Variants in PTP4A3 observed in about 807,000 individuals in gnomAD.
PTP4A3 encodes the protein protein tyrosine phosphatase 4A3.
A neutral mutation model predicts 15.2 loss-of-function variants in PTP4A3; 9 were observed. The observed-to-expected ratio is 0.59, with a 90% CI of 0.36 to 1.03. The LOEUF (loss-of-function observed/expected upper bound fraction) is 1.03, where lower values mean the gene tolerates loss of function less well. Among genes scored for constraint, PTP4A3 ranks in the 50% least tolerant of loss-of-function variants. PTP4A3 has a pLI of 0.02. For synonymous variants in PTP4A3, 95 were observed against 102.0 expected (o/e 0.93, Z 0.41); for missense variants, 234 against 252.1 (o/e 0.93, Z 0.49).
In PTP4A3 at chr8:141,406,045, G is replaced by C. The variant is rs1420788751; in HGVS notation, c.-854+13961G>C. Among the ~76,000 whole-genome samples, 1 of 152,140 alleles carries C rather than the reference G, an allele frequency of 6.6e-6. No individual in the cohort carries two copies. Among genetic ancestry groups the C allele is most frequent in the Non-Finnish European group, 1.5e-5 (1 of 68,016 alleles). ...CGATAAGGATTTTTGGCTTTCCTGA[G>C]TGACGCGGGCACCACTGGAGGCTTT... On this transcript the variant is annotated intron_variant, in intron 1 of 5. Coordinates refer to ENST00000521578, the MANE Select transcript of PTP4A3 (RefSeq NM_032611.3). The surrounding 1 kb of genome is among the most constrained non-coding windows in gnomAD (Gnocchi z 4.5).
intron 1 of PTP4A3, among the ~76,000 whole-genome samples, chr8:141,401,375 A>G (rs917238116): frequency 6.6e-6 from 1 of 152,056 alleles, no homozygotes; most frequent in Non-Finnish European, 1.5e-5. Flanking sequence ...AGGGGAGGGC[A>G]CTGGGTTTGG....
At chr8:141,426,857 G>A in intron 3 of PTP4A3, 82 bp from the exon 4 acceptor site, 1 of 1,529,386 alleles carries the variant, frequency 6.5e-7, no homozygotes, top group South Asian at 1.2e-5. Context: ...GCCTCTCAGA[G>A]CTCCCTTTCC....
intron 3 of PTP4A3, chr8:141,426,431 T>C (rs2130283995): frequency 1.0e-6 from 1 of 985,276 alleles, no homozygotes; most frequent in Middle Eastern, 5.2e-4. Flanking sequence ...CCCTCAGAAA[T>C]GTGGGCCCTG....
chr8:141,398,736 C>T (rs906511780), intron 1 of PTP4A3, among the ~76,000 whole-genome samples: 1 of 152,030 alleles, frequency 6.6e-6, no homozygotes, highest in Non-Finnish European at 1.5e-5. Flanking sequence ...CTGGGCTGCC[C>T]AGGGGACACT....
In PTP4A3 at chr8:141,432,213, C is replaced by G. The variant is rs958417294; in HGVS notation, c.*1169C>G. 6.6e-6 allele frequency: 1 copy of G among 151,850 alleles called. No individual in the cohort carries two copies. Among genetic ancestry groups the G allele is most frequent in the African/African-American group, 2.4e-5 (1 of 41,322 alleles). The allele number at this position is 151,850 out of a possible 1,614,324, so 9.4% of individuals were successfully genotyped here. A position where few individuals can be genotyped will look rare whatever the true frequency, so the allele number is the denominator to read the frequency against. On this transcript the variant is annotated 3_prime_UTR_variant, in exon 6 of 6. Coordinates refer to ENST00000521578, the MANE Select transcript of PTP4A3 (RefSeq NM_032611.3). ...CCGTCCTGGGGCCCCAGGAGGTTCC[C>G]GCAAGGAGCGACTGGGGCAGGTGCT...
At chr8:141,412,045 G>A (rs1410554038) in intron 1 of PTP4A3, among the ~76,000 whole-genome samples, 1 of 151,904 alleles carries the variant, frequency 6.6e-6, no homozygotes, top group African/African-American at 2.4e-5. Context: ...ACCACGCGAG[G>A]CCACTACACA....
rs763704718 is a variant in PTP4A3 at position 141,427,056 on chromosome 8, G to A, written c.316G>A (p.Ala106Thr). The A allele has an allele frequency of 6.3e-7, 1 of 1,599,052 alleles. No individual in the cohort carries two copies. The highest frequency in any genetic ancestry group is 8.5e-7 in the Non-Finnish European group (1 of 1,179,570). Residue 106 changes from alanine to threonine, a missense_variant, in exon 4 of 6, where the codon GCG becomes ACG. Coordinates refer to ENST00000521578, the MANE Select transcript of PTP4A3 (RefSeq NM_032611.3). ...PGSCVAVHCV[A>T]GLGRAPVLVA... ...CAGCTGCGTGGCTGTGCACTGCGTG[G>A]CGGGCCTGGGCCGGTGAGTGTCGGG... is the stretch of plus-strand genomic sequence containing the variant.
In PTP4A3 at chr8:141,409,390, AG is replaced by A. The variant is rs552450492; in HGVS notation, c.-853-11993del. ...ATTTGGTGGCAGCTCCTGGTGGGGC[AG>A]GGGGATGGGAGGGATGGGAGCCTCC... On this transcript the variant is annotated intron_variant, in intron 1 of 5. Coordinates refer to ENST00000521578, the MANE Select transcript of PTP4A3 (RefSeq NM_032611.3). Among the ~76,000 whole-genome samples, 85 of 152,002 alleles carry A rather than the reference AG, an allele frequency of 5.6e-4. 1 individual carries two copies. Among genetic ancestry groups the A allele is most frequent in the African/African-American group, 1.6e-3 (67 of 41,526 alleles).
chr8:141,397,688 G>C (rs1028209038), intron 1 of PTP4A3, among the ~76,000 whole-genome samples: 39 of 152,198 alleles, frequency 2.6e-4, no homozygotes, highest in African/African-American at 9.4e-4. Flanking sequence ...GCCTGGTTTC[G>C]ACCTCTTTGG....
At chr8:141,403,439 T>C (rs541911154) in intron 1 of PTP4A3, among the ~76,000 whole-genome samples, 1 of 152,360 alleles carries the variant, frequency 6.6e-6, no homozygotes, top group East Asian at 1.9e-4. Context: ...TTCCTGGGCA[T>C]GGTGTACAGT....
chr8:141,408,142 A>G (rs1178217340), intron 1 of PTP4A3, among the ~76,000 whole-genome samples: 1 of 152,162 alleles, frequency 6.6e-6, no homozygotes, highest in Non-Finnish European at 1.5e-5. Flanking sequence ...GAGGCCATTC[A>G]CAGCAAATGT....
chr8:141,394,608 T>A (rs1832390289), intron 1 of PTP4A3, among the ~76,000 whole-genome samples: 3 of 152,214 alleles, frequency 2.0e-5, no homozygotes, highest in Admixed American at 2.0e-4. Flanking sequence ...TGCCCCTCCG[T>A]TTCCACACCT....
rs1833332560 is a variant in PTP4A3 at position 141,421,600 on chromosome 8, A to G, written c.-641A>G. On this transcript the variant is annotated 5_prime_UTR_variant, in exon 2 of 6. Coordinates refer to ENST00000521578, the MANE Select transcript of PTP4A3 (RefSeq NM_032611.3). ...CCTGCCCCACTCCAGGACTCACCGT[A>G]CCCCGATGGGGTAACGTGACACAGG... 1 of 152,512 alleles carries G rather than the reference A, an allele frequency of 6.6e-6. No individual in the cohort carries two copies. The highest frequency in any genetic ancestry group is 1.5e-5 in the Non-Finnish European group (1 of 68,316). 9.4% of individuals were successfully genotyped at this position (152,512 alleles called of 1,614,324 possible). A position where few individuals can be genotyped will look rare whatever the true frequency, so the allele number is the denominator to read the frequency against.
intron 1 of PTP4A3, among the ~76,000 whole-genome samples, chr8:141,402,927 T>C (rs1832630752): frequency 6.6e-6 from 1 of 152,092 alleles, no homozygotes; most frequent in South Asian, 2.1e-4. Flanking sequence ...GGCTTGTTTG[T>C]TGGGTGCCTG....
chr8:141,422,485 G>A (rs749069884), intron 2 of PTP4A3, 140 bp downstream of exon 2: 9 of 884,620 alleles, frequency 1.0e-5, no homozygotes, highest in Admixed American at 4.8e-5. Context: ...AAGCCCAGTC[G>A]CCTGTTACAG....
chr8:141,426,865 T>G (rs1051978490), intron 3 of PTP4A3, 74 bp from the exon 4 acceptor site: 1 of 1,548,036 alleles, frequency 6.5e-7, no homozygotes, highest in Non-Finnish European at 8.7e-7. Context: ...GAGCTCCCTT[T>G]CCTCGCCTGA....
chr8:141,419,898 T>C (rs1833247510), intron 1 of PTP4A3, among the ~76,000 whole-genome samples: 1 of 152,160 alleles, frequency 6.6e-6, no homozygotes, highest in South Asian at 2.1e-4. Flanking sequence ...CATTTTAACC[T>C]TCCCAGAACC....
At position 141,427,171 on chromosome 8, in the gene PTP4A3, C is replaced by T. The variant is rs1205803976; in HGVS notation, c.329+102C>T. On this transcript the variant is annotated intron_variant, in intron 4 of 5. Transcript: ENST00000521578. ...TGTGGGTCTTGAACACACGTCCACG[C>T]GACCTTCCCAGGAGGCCCATGCCCC... is the stretch of plus-strand genomic sequence containing the variant. The T allele has an allele frequency of 3.7e-5, 55 of 1,499,382 alleles. No individual in the cohort carries two copies. In the Admixed American group the frequency reaches 3.7e-4, roughly 10 times the overall value. 92.9% of individuals were successfully genotyped at this position (1,499,382 alleles called of 1,614,324 possible). A position where few individuals can be genotyped will look rare whatever the true frequency, so the allele number is the denominator to read the frequency against.
At chr8:141,427,466 G>A (rs898543120) in intron 4 of PTP4A3, among the ~76,000 whole-genome samples, 3 of 152,168 alleles carry the variant, frequency 2.0e-5, no homozygotes, top group Non-Finnish European at 2.9e-5. Context: ...AGACCCAGGC[G>A]AGCAGAGTTG....
Sources: gnomAD v4.1 joint callset for allele counts (sites outside exome capture counted in the v4.1 genomes callset) on GRCh38, gnomAD v4.1.1 for gene constraint, Gnocchi (gnomAD v3.1) non-coding constraint, MANE v1.5 for transcripts, NCBI Gene and HGNC (gene_info 2026-07-23, HGNC 2026-07-21) for gene names.